Variants in SVOP observed in about 807,000 individuals in gnomAD.
The protein encoded by SVOP is synaptic vesicle 2-related protein.
In SVOP, 17 loss-of-function variants were observed where a neutral mutation model predicts 69.1. The ratio of observed to expected loss-of-function variants is 0.25; its 90% CI spans 0.17 to 0.37. The LOEUF is 0.37. Ranked by LOEUF, SVOP falls within the 10% of genes least tolerant of loss-of-function variation. SVOP has a pLI of 1.00. For missense variants in SVOP, 435 were observed against 597.5 expected (o/e 0.73, Z 2.84); for synonymous variants, 238 against 238.6 (o/e 1.00, Z 0.02).
At chr12:108,918,270 A>T (rs1387798997) in intron 13 of SVOP, 146 bp from the exon 14 acceptor site, 1 of 549,300 alleles carries the variant, frequency 1.8e-6, no homozygotes, top group African/African-American at 1.9e-5. Context: ...ATGCAGGCAC[A>T]CATATTTCAG....
At chr12:108,977,303 C>T in intron 4 of SVOP, 95 bp downstream of exon 4, 1 of 1,421,494 alleles carries the variant, frequency 7.0e-7, no homozygotes, top group Non-Finnish European at 9.4e-7. Flanking sequence ...TTCTTTTCTG[C>T]TGAGCCTTCG....
chr12:108,931,858 G>A (rs984381653), intron 11 of SVOP, among the ~76,000 whole-genome samples: 4 of 151,602 alleles, frequency 2.6e-5, no homozygotes, highest in South Asian at 2.1e-4. Flanking sequence ...AATGCTTCCC[G>A]GGTGAGTCTG....
At position 108,909,385 on chromosome 12, in the gene SVOP, G is replaced by A. The variant is rs59054390; in HGVS notation, c.*3150C>T. On this transcript the variant is annotated 3_prime_UTR_variant, in exon 16 of 16. Coordinates refer to ENST00000610966, the MANE Select transcript of SVOP (RefSeq NM_018711.5). ...ACAAAAATTAGCCAAGCATCAAGGCGGGCACCTGTAATCCCAGCTACTCAG... is the reference window on the plus strand; with the variant it reads ...ACAAAAATTAGCCAAGCATCAAGGCAGGCACCTGTAATCCCAGCTACTCAG... The A allele has an allele frequency of 0.084, 12,680 of 151,620 alleles. 1,281 individuals are homozygous for A. Among genetic ancestry groups the A allele is most frequent in the African/African-American group, 0.24 (10,001 of 41,228 alleles). The allele number at this position is 151,620 out of a possible 1,614,324, so 9.4% of individuals were successfully genotyped here.
intron 14 of SVOP, among the ~76,000 whole-genome samples, chr12:108,917,279 T>A (rs111365578): frequency 0.038 from 5,793 of 152,332 alleles, 190 homozygotes; most frequent in Non-Finnish European, 0.056. Context: ...ATTGCACATA[T>A]ATCTTCATTC....
chr12:108,960,041 G>A (rs1369484752), intron 6 of SVOP, among the ~76,000 whole-genome samples: 1 of 152,182 alleles, frequency 6.6e-6, no homozygotes, highest in Non-Finnish European at 1.5e-5. Context: ...AAACCGTTTA[G>A]AACAGCACCT....
intron 2 of SVOP, among the ~76,000 whole-genome samples, chr12:108,980,434 CA>C (rs2040129089): frequency 6.6e-6 from 1 of 151,968 alleles, no homozygotes; most frequent in African/African-American, 2.4e-5. Context: ...AAAATAATTC[CA>C]AAATGAATAG....
chr12:108,929,312 G>A (rs1056786813), intron 11 of SVOP, among the ~76,000 whole-genome samples: 1 of 152,096 alleles, frequency 6.6e-6, no homozygotes, highest in East Asian at 1.9e-4. Flanking sequence ...TAGTTAGTTA[G>A]TTAGTTAGTT....
chr12:108,973,381 T>C (rs1231110620), intron 4 of SVOP, among the ~76,000 whole-genome samples: 1 of 152,018 alleles, frequency 6.6e-6, no homozygotes, highest in Non-Finnish European at 1.5e-5. Flanking sequence ...TATGTATGTA[T>C]AATTTATTTA....
intron 9 of SVOP, 55 bp downstream of exon 9, chr12:108,938,772 C>A (rs1010409967): frequency 6.2e-7 from 1 of 1,611,496 alleles, no homozygotes; most frequent in Non-Finnish European, 8.5e-7. Flanking sequence ...TGCACACACT[C>A]CCCTGCATGC....
chr12:108,979,914 G>A (rs1168888995), intron 2 of SVOP, among the ~76,000 whole-genome samples: 1 of 152,238 alleles, frequency 6.6e-6, no homozygotes, highest in African/African-American at 2.4e-5. Context: ...GCTTATGCCT[G>A]TAATCCCAGC....
rs2039673438 is a variant in SVOP, at chr12:108,910,193, ACCTTGTGATC to A, written c.*2332_*2341del. On this transcript the variant is annotated 3_prime_UTR_variant, in exon 16 of 16. Transcript: ENST00000610966. ...TAGCCAGGATGGTCTCGATCTCCTG[ACCTTGTGATC>A]CGCCCGCCTCGGCCTCCAAAAGTGC... 6.6e-6 allele frequency: 1 copy of A among 152,060 alleles called. No homozygotes were observed. The highest frequency in any genetic ancestry group is 1.5e-5 in the Non-Finnish European group (1 of 68,040). 9.4% of individuals were successfully genotyped at this position (152,060 alleles called of 1,614,324 possible).
At chr12:108,923,617 A>T (rs1486983618) in intron 11 of SVOP, among the ~76,000 whole-genome samples, 1 of 151,956 alleles carries the variant, frequency 6.6e-6, no homozygotes, top group African/African-American at 2.4e-5. Flanking sequence ...TGAGATGATA[A>T]GTGTGTGCTG....
At chr12:108,980,541 G>A (rs2040129863) in intron 2 of SVOP, among the ~76,000 whole-genome samples, 1 of 152,134 alleles carries the variant, frequency 6.6e-6, no homozygotes, top group Admixed American at 6.5e-5. Flanking sequence ...CTGAGGCCAG[G>A]AGTTTGACAC....
chr12:108,991,882 G>A (rs908464280), intron 1 of SVOP, among the ~76,000 whole-genome samples: 1 of 152,102 alleles, frequency 6.6e-6, no homozygotes, highest in Admixed American at 6.6e-5. Flanking sequence ...GGAAGTTGAG[G>A]CTACAGTGAG....
rs116923466 is a variant in SVOP, at chr12:108,993,364, G to A, written c.36-9603C>T. On this transcript the variant is annotated intron_variant, in intron 1 of 15. Coordinates refer to ENST00000610966, the MANE Select transcript of SVOP (RefSeq NM_018711.5). ...GTTAAAATGGTAAAGTCTACGTTAT[G>A]TGTATTTTGCCTTCAAAAAAAAAAA... Among the ~76,000 whole-genome samples, 294 of 124,666 alleles carry A rather than the reference G, an allele frequency of 2.4e-3. 3 individuals are homozygous for A. The East Asian group carries it at 0.05, about 21-fold the overall frequency. The allele number at this position is 124,666 out of a possible 152,430, so 81.8% of individuals were successfully genotyped here.
At chr12:108,923,545 T>C (rs1224689705) in intron 11 of SVOP, among the ~76,000 whole-genome samples, 1 of 152,018 alleles carries the variant, frequency 6.6e-6, no homozygotes, top group Non-Finnish European at 1.5e-5. Flanking sequence ...GCTGATGCCT[T>C]GATTGCAGCC....
chr12:109,011,204 A>C (rs528973886), intron 1 of SVOP, among the ~76,000 whole-genome samples: 2 of 152,318 alleles, frequency 1.3e-5, no homozygotes, highest in South Asian at 2.1e-4. Flanking sequence ...GACGAGGGCC[A>C]CTGCACTATC....
intron 14 of SVOP, among the ~76,000 whole-genome samples, chr12:108,917,800 A>G (rs1352609018): frequency 6.6e-6 from 1 of 152,006 alleles, no homozygotes; most frequent in Non-Finnish European, 1.5e-5. Flanking sequence ...GCGCCACCAC[A>G]GCCTGGCTCA....
intron 6 of SVOP, among the ~76,000 whole-genome samples, chr12:108,954,309 C>T (rs912351453): frequency 4.0e-5 from 6 of 151,898 alleles, no homozygotes; most frequent in South Asian, 2.1e-4. Context: ...CTAAGATGAG[C>T]GTTAAAGTGG....
Sources: gnomAD v4.1 joint callset for allele counts (sites outside exome capture counted in the v4.1 genomes callset) on GRCh38, gnomAD v4.1.1 for gene constraint, MANE v1.5 for transcripts, NCBI Gene and HGNC (gene_info 2026-07-23, HGNC 2026-07-21) for gene names.